The following GJB7 variants were observed in gnomAD, a reference collection of about 807,000 sequenced individuals.
The protein encoded by GJB7 is gap junction protein beta 7.
For missense variants in GJB7, 253 were observed against 256.8 expected (o/e 0.99, Z 0.10); for synonymous variants, 87 against 95.2 (o/e 0.91, Z 0.50).
At chr6:87,300,491 C>T in intron 2 of GJB7, 1 of 210,130 alleles carries the variant, frequency 4.8e-6, no homozygotes, top group Non-Finnish European at 1.1e-5. Context: ...TGACAGGAAG[C>T]TCAAGGCAGT....
chr6:87,284,635 A>G lies in GJB7; in HGVS notation c.278T>C (p.Leu93Ser), dbSNP rs770809050. ...TCTACCCTCATGATAGGCTACATGT[A>G]AAACCACCAGAAGTGAAGGTGTGGA... The part of the protein sequence containing the change: ...MVSTPSLLVV[L>S]HVAYHEGREK... The change falls in exon 3 of 3, where the codon TTA becomes TCA. Residue 93 changes from leucine to serine, a missense_variant. By Grantham distance (145) the Leu-to-Ser change is moderately radical. Transcript: ENST00000525899. 6.8e-6 allele frequency: 11 copies of G among 1,614,210 alleles called. No individual in the cohort carries two copies. The highest frequency in any genetic ancestry group is 9.3e-6 in the Non-Finnish European group (11 of 1,180,034).
chr6:87,297,386 A>G (rs1420990715), intron 2 of GJB7, among the ~76,000 whole-genome samples: 1 of 152,236 alleles, frequency 6.6e-6, no homozygotes, highest in East Asian at 1.9e-4. Flanking sequence ...CATCAAAAGA[A>G]TGTGAGTTTG....
At chr6:87,304,409 A>G (rs1284304302) in intron 2 of GJB7, among the ~76,000 whole-genome samples, 1 of 152,264 alleles carries the variant, frequency 6.6e-6, no homozygotes, top group Non-Finnish European at 1.5e-5. Flanking sequence ...CTATACAAAT[A>G]AACTAGAAAA....
chr6:87,308,201 G>T (rs1244998688), intron 2 of GJB7, among the ~76,000 whole-genome samples: 3 of 145,600 alleles, frequency 2.1e-5, no homozygotes, highest in African/African-American at 7.5e-5. Context: ...ACAGGAAGGG[G>T]AACATCACCC....
chr6:87,307,675 G>C (rs1776452848), intron 2 of GJB7, among the ~76,000 whole-genome samples: 1 of 152,176 alleles, frequency 6.6e-6, no homozygotes, highest in African/African-American at 2.4e-5. Flanking sequence ...ACCACAGTGA[G>C]ATACCATCTC....
intron 2 of GJB7, among the ~76,000 whole-genome samples, chr6:87,320,609 A>T (rs1472999174): frequency 6.6e-6 from 1 of 152,202 alleles, no homozygotes; most frequent in East Asian, 1.9e-4. Flanking sequence ...GATTTTATAC[A>T]TTTTAGAGAA....
Position 87,323,006 on chromosome 6 carries a change from T to TCTTTTGTCATAGTGCGGACACTATG in GJB7, c.-169_-168insCATAGTGTCCGCACTATGACAAAAG, listed in dbSNP as rs1776709205. 1 of 151,520 alleles carries TCTTTTGTCATAGTGCGGACACTATG rather than the reference T, an allele frequency of 6.6e-6. No homozygotes were observed. The highest frequency in any genetic ancestry group is 1.5e-5 in the Non-Finnish European group (1 of 68,046). 9.4% of individuals were successfully genotyped at this position (151,520 alleles called of 1,614,324 possible). On this transcript the variant is annotated 5_prime_UTR_variant, in exon 2 of 3. It adds an upstream start codon to the 5' untranslated region. Coordinates refer to ENST00000525899, the MANE Select transcript of GJB7 (RefSeq NM_198568.3). ...TGGTGTTTTGAGGAGACGCCGCTTTTCTTTTGTCATAGTGCGGACACTCGT... is the reference window on the plus strand; with the variant it reads ...TGGTGTTTTGAGGAGACGCCGCTTTTCTTTTGTCATAGTGCGGACACTATGCTTTTGTCATAGTGCGGACACTCGT...
chr6:87,311,867 C>T (rs572381747), intron 2 of GJB7, among the ~76,000 whole-genome samples: 6 of 152,192 alleles, frequency 3.9e-5, no homozygotes, highest in Middle Eastern at 3.4e-3. Context: ...TAGTTAAGTT[C>T]AGGCTGATGC....
At chr6:87,289,005 G>A (rs1221581462) in intron 2 of GJB7, among the ~76,000 whole-genome samples, 1 of 152,074 alleles carries the variant, frequency 6.6e-6, no homozygotes, top group Non-Finnish European at 1.5e-5. Context: ...TTGCATTGAG[G>A]GTAGGGGAAA....
chr6:87,284,233 T>C lies in GJB7; in HGVS notation c.*8A>G, dbSNP rs1192300881. On this transcript the variant is annotated 3_prime_UTR_variant, in exon 3 of 3. Transcript: ENST00000525899. ...CTACCACATTCAACATATCTGAGGC[T>C]GTGGCACTCACACACTGAGGACTTG... 1 of 1,608,120 alleles carries C rather than the reference T, an allele frequency of 6.2e-7. No homozygotes were observed.
chr6:87,299,208 T>C (rs1776286598), intron 2 of GJB7: 3 of 443,354 alleles, frequency 6.8e-6, no homozygotes, highest in Admixed American at 5.0e-5. Flanking sequence ...GATGTTATAA[T>C]TGCTGAACTT....
intron 1 of GJB7, among the ~76,000 whole-genome samples, chr6:87,325,669 A>G (rs1329371222): frequency 1.3e-5 from 2 of 151,868 alleles, no homozygotes; most frequent in Admixed American, 6.6e-5. Context: ...TCCGTTTGCC[A>G]GTATTTTATT....
chr6:87,307,206 A>G (rs1203105372), intron 2 of GJB7, among the ~76,000 whole-genome samples: 2 of 151,612 alleles, frequency 1.3e-5, no homozygotes, highest in East Asian at 1.9e-4. Context: ...TTTAGCCAAA[A>G]AAAAAAAACT....
intron 1 of GJB7, among the ~76,000 whole-genome samples, chr6:87,327,440 G>A (rs1301327584): frequency 1.3e-5 from 2 of 152,018 alleles, no homozygotes; most frequent in Admixed American, 6.5e-5. Context: ...GCTCTTTTAG[G>A]GCAGGCCTGC....
At chr6:87,320,467 T>G (rs150813748) in intron 2 of GJB7, among the ~76,000 whole-genome samples, 24 of 152,344 alleles carry the variant, frequency 1.6e-4, no homozygotes, top group African/African-American at 5.8e-4. Flanking sequence ...ATAACTTGTG[T>G]AAACCAGAAA....
At chr6:87,312,856 T>C (rs1032848947) in intron 2 of GJB7, among the ~76,000 whole-genome samples, 1 of 152,188 alleles carries the variant, frequency 6.6e-6, no homozygotes, top group Middle Eastern at 3.2e-3. Context: ...TTATGAGCCA[T>C]GGCTGAAAGA....
At chr6:87,328,024 C>G (rs1012736809) in intron 1 of GJB7, among the ~76,000 whole-genome samples, 4 of 152,046 alleles carry the variant, frequency 2.6e-5, no homozygotes, top group Non-Finnish European at 5.9e-5. Context: ...ATCACTGATA[C>G]CCTTTCTTCC....
At chr6:87,305,950 G>T (rs1255142204) in intron 2 of GJB7, among the ~76,000 whole-genome samples, 4 of 152,004 alleles carry the variant, frequency 2.6e-5, no homozygotes, top group Non-Finnish European at 5.9e-5. Flanking sequence ...TTAATAAATG[G>T]TGCTGGGAAA....
intron 2 of GJB7, among the ~76,000 whole-genome samples, chr6:87,319,103 G>A (rs980608323): frequency 3.9e-5 from 6 of 152,144 alleles, no homozygotes; most frequent in African/African-American, 1.4e-4. Context: ...TTTTCATACA[G>A]ATTAATCTTT....
Sources: allele counts gnomAD v4.1 joint callset (sites outside exome capture counted in the v4.1 genomes callset), GRCh38; gene constraint gnomAD v4.1.1; transcripts MANE v1.5; gene names NCBI Gene and HGNC (gene_info 2026-07-23, HGNC 2026-07-21).